CFAP300: variants seen among roughly 807,000 people sequenced by gnomAD.
The protein encoded by CFAP300 is cilia- and flagella-associated protein 300.
Under a neutral mutation model 33.0 loss-of-function variants are expected in CFAP300, and 32 were observed. That is an observed-to-expected ratio of 0.97 (90% CI 0.73 to 1.30). The LOEUF is 1.30. Among genes scored for constraint, CFAP300 ranks in the 50% most tolerant of loss-of-function variants. CFAP300 has a pLI of 0.00. For synonymous variants in CFAP300, 102 were observed against 106.8 expected (o/e 0.95, Z 0.28); for missense variants, 356 against 318.1 (o/e 1.12, Z -0.90).
intron 3 of CFAP300, among the ~76,000 whole-genome samples, chr11:102,061,087 G>A (rs1420762069): frequency 6.6e-6 from 1 of 152,086 alleles, no homozygotes; most frequent in South Asian, 2.1e-4. Flanking sequence ...ACACAAAATA[G>A]CATTAACTTT....
At chr11:102,052,547 C>T (rs1941987272) in intron 2 of CFAP300, among the ~76,000 whole-genome samples, 1 of 152,218 alleles carries the variant, frequency 6.6e-6, no homozygotes, top group Admixed American at 6.5e-5. Flanking sequence ...TTCTTCACCA[C>T]TAGAATGTAA....
intron 2 of CFAP300, among the ~76,000 whole-genome samples, chr11:102,054,554 A>AAC (rs58644748): frequency 1 from 151,884 of 151,890 alleles, 75,939 homozygotes; most frequent in Middle Eastern, 1. Flanking sequence ...AACATGGCAA[A>AAC]CCTGTCTCTA....
chr11:102,070,677 T>C (rs182176324), intron 4 of CFAP300, among the ~76,000 whole-genome samples: 239 of 152,262 alleles, frequency 1.6e-3, no homozygotes, highest in Non-Finnish European at 2.5e-3. Context: ...GATGTAGGCA[T>C]TTTTTGCTGT....
chr11:102,083,052 T>C lies in CFAP300; in HGVS notation c.676-19T>C, dbSNP rs771027447. ...ATAAATAAAATAAAATAATAATAAT[T>C]TAGGTTTGTCTTTTTCAGGATTCTG... On this transcript the variant is annotated intron_variant, in intron 6 of 6. Coordinates refer to ENST00000434758, the MANE Select transcript of CFAP300 (RefSeq NM_032930.3). The C allele has an allele frequency of 1.5e-5, 20 of 1,304,166 alleles. No homozygotes were observed. The highest frequency in any genetic ancestry group is 2.0e-5 in the Non-Finnish European group (20 of 996,040). 80.8% of individuals were successfully genotyped at this position (1,304,166 alleles called of 1,614,324 possible).
chr11:102,070,384 A>C (rs1045333836), intron 4 of CFAP300, among the ~76,000 whole-genome samples: 1 of 152,214 alleles, frequency 6.6e-6, no homozygotes, highest in Admixed American at 6.5e-5. Context: ...GAATGAGCTT[A>C]ATCAATTTTC....
chr11:102,060,819 TAGTA>T (rs1008191702), intron 3 of CFAP300, among the ~76,000 whole-genome samples: 30 of 152,334 alleles, frequency 2.0e-4, no homozygotes, highest in African/African-American at 7.2e-4. Flanking sequence ...ATGTTAGACT[TAGTA>T]GGTCAGATTT....
At chr11:102,061,546 A>T (rs957609307) in intron 3 of CFAP300, among the ~76,000 whole-genome samples, 1 of 152,164 alleles carries the variant, frequency 6.6e-6, no homozygotes, top group African/African-American at 2.4e-5. Context: ...ATAACATATA[A>T]TGGATGCTTC....
At chr11:102,076,192 C>A in intron 5 of CFAP300, 147 bp downstream of exon 5, 5 of 711,450 alleles carry the variant, frequency 7.0e-6, no homozygotes, top group African/African-American at 5.7e-5. Context: ...CCTCTCATAA[C>A]CTTCCCCCTC....
chr11:102,065,082 A>C (rs1942202741), intron 3 of CFAP300, among the ~76,000 whole-genome samples: 1 of 152,116 alleles, frequency 6.6e-6, no homozygotes, highest in Non-Finnish European at 1.5e-5. Flanking sequence ...AAATACTATA[A>C]ATGAGATCCC....
At chr11:102,071,454 T>A (rs1942311656) in intron 4 of CFAP300, among the ~76,000 whole-genome samples, 1 of 152,226 alleles carries the variant, frequency 6.6e-6, no homozygotes, top group Non-Finnish European at 1.5e-5. Context: ...ATTATTGATA[T>A]GTGAGGACAT....
At chr11:102,052,358 T>A (rs966202280) in intron 2 of CFAP300, among the ~76,000 whole-genome samples, 2 of 152,238 alleles carry the variant, frequency 1.3e-5, no homozygotes, top group Non-Finnish European at 2.9e-5. Context: ...AGTTTATGTA[T>A]CTTTTTCAAA....
chr11:102,080,967 A>T (rs767406572), intron 5 of CFAP300, among the ~76,000 whole-genome samples: 2 of 152,198 alleles, frequency 1.3e-5, no homozygotes, highest in African/African-American at 2.4e-5. Context: ...TAATTTCATC[A>T]TCTGAGTCTC....
At chr11:102,064,143 A>G (rs1486668574) in intron 3 of CFAP300, among the ~76,000 whole-genome samples, 1 of 152,188 alleles carries the variant, frequency 6.6e-6, no homozygotes, top group African/African-American at 2.4e-5. Flanking sequence ...AAGAGATAGA[A>G]TTCAGTCCAC....
At position 102,083,299 on chromosome 11, in the gene CFAP300, A is replaced by G. The variant is rs1377825813; in HGVS notation, c.*100A>G. Reference sequence around the variant, plus strand: ...CATATACTTTGCAAATTAATTCAAGAAAAATGTAAGGAGCCTACTTAGAGC... The same window carrying G: ...CATATACTTTGCAAATTAATTCAAGGAAAATGTAAGGAGCCTACTTAGAGC... On this transcript the variant is annotated 3_prime_UTR_variant, in exon 7 of 7. Coordinates refer to ENST00000434758, the MANE Select transcript of CFAP300 (RefSeq NM_032930.3). 1 of 1,017,760 alleles carries G rather than the reference A, an allele frequency of 9.8e-7. No homozygotes were observed. The highest frequency in any genetic ancestry group is 1.3e-6 in the Non-Finnish European group (1 of 783,394). The allele number at this position is 1,017,760 out of a possible 1,614,324, so 63.0% of individuals were successfully genotyped here.
Position 102,047,564 on chromosome 11 carries a change from A to G in CFAP300, c.94A>G (p.Ser32Gly). 1 of 1,535,994 alleles carries G rather than the reference A, an allele frequency of 6.5e-7. No individual in the cohort carries two copies. The highest frequency in any genetic ancestry group is 8.7e-7 in the Non-Finnish European group (1 of 1,146,766). Residue 32 changes from serine to glycine, a missense_variant, in exon 1 of 7, where the codon AGC becomes GGC. Transcript: ENST00000434758. ...GTCTCTGAGCTCTAAGGAGATCACC[A>G]GCCGGCTCCGCCAGTGGTGAGGAAC... ...FQSLSSKEIT[S>G]RLRQWSMLGR... is the part of the protein sequence containing the mutation.
chr11:102,078,047 C>T (rs866416359), intron 5 of CFAP300, among the ~76,000 whole-genome samples: 1 of 152,198 alleles, frequency 6.6e-6, no homozygotes, highest in Middle Eastern at 3.4e-3. Flanking sequence ...CACACCACTA[C>T]ACCTGGCTAA....
At position 102,084,089 on chromosome 11, in the gene CFAP300, G is replaced by A. The variant is rs182801595; in HGVS notation, c.*890G>A. 36 of 152,240 alleles carry A rather than the reference G, an allele frequency of 2.4e-4. No individual in the cohort carries two copies. Among genetic ancestry groups the A allele is most frequent in the African/African-American group, 7.9e-4 (33 of 41,544 alleles). 9.4% of individuals were successfully genotyped at this position (152,240 alleles called of 1,614,324 possible). A position where few individuals can be genotyped will look rare whatever the true frequency, so the allele number is the denominator to read the frequency against. ...TAAATTAAAACTGCAGCTGTCCCAC[G>A]GCTAATACAAGAGCTACATGTAAAC... On this transcript the variant is annotated 3_prime_UTR_variant, in exon 7 of 7. Coordinates refer to ENST00000434758, the MANE Select transcript of CFAP300 (RefSeq NM_032930.3).
chr11:102,053,885 A>G (rs1833661135), intron 2 of CFAP300, among the ~76,000 whole-genome samples: 1 of 152,214 alleles, frequency 6.6e-6, no homozygotes, highest in African/African-American at 2.4e-5. Context: ...GGGTCACACC[A>G]AACCTCTTCA....
At chr11:102,063,195 A>C (rs1004775969) in intron 3 of CFAP300, among the ~76,000 whole-genome samples, 6 of 152,224 alleles carry the variant, frequency 3.9e-5, no homozygotes, top group African/African-American at 1.4e-4. Flanking sequence ...GGGTAGAAGC[A>C]AGACTGCCAC....
Sources: gnomAD v4.1 joint callset for allele counts (sites outside exome capture counted in the v4.1 genomes callset) on GRCh38, gnomAD v4.1.1 for gene constraint, MANE v1.5 for transcripts, NCBI Gene and HGNC (gene_info 2026-07-23, HGNC 2026-07-21) for gene names.